Variants in RAPGEF6 observed in about 807,000 individuals in gnomAD.
The protein encoded by RAPGEF6 is Rap guanine nucleotide exchange factor 6.
A neutral mutation model predicts 171.4 loss-of-function variants in RAPGEF6; 56 were observed. That is an observed-to-expected ratio of 0.33 (90% CI 0.26 to 0.41). The LOEUF (loss-of-function observed/expected upper bound fraction) is 0.41, where lower values mean the gene tolerates loss of function less well. RAPGEF6 is among the 10% of genes least tolerant of loss of function. RAPGEF6 has a pLI of 1.00. For synonymous variants in RAPGEF6, 692 were observed against 650.1 expected (o/e 1.06, Z -0.98); for missense variants, 1,674 against 1,921.4 (o/e 0.87, Z 2.41).
intron 22 of RAPGEF6, among the ~76,000 whole-genome samples, chr5:131,445,385 T>C (rs868055715): frequency 6.6e-6 from 1 of 152,308 alleles, no homozygotes; most frequent in South Asian, 2.1e-4. Context: ...AAATACCATA[T>C]CATTTATCAA....
At chr5:131,617,935 T>C (rs1311833263) in intron 1 of RAPGEF6, among the ~76,000 whole-genome samples, 1 of 152,124 alleles carries the variant, frequency 6.6e-6, no homozygotes. Flanking sequence ...TAAACAACAT[T>C]CGGCAAAATG....
At chr5:131,502,953 C>T (rs935492183) in intron 11 of RAPGEF6, among the ~76,000 whole-genome samples, 1 of 152,116 alleles carries the variant, frequency 6.6e-6, no homozygotes, top group Admixed American at 6.5e-5. Context: ...CAGGCGGCCA[C>T]CACCATGCCT....
At chr5:131,495,709 C>T in intron 12 of RAPGEF6, 49 bp from the exon 13 acceptor site, 1 of 1,571,148 alleles carries the variant, frequency 6.4e-7, no homozygotes, top group Non-Finnish European at 8.7e-7. Flanking sequence ...GGCATTCCTT[C>T]TGCACAAGTG....
At chr5:131,578,109 C>T (rs1445811202) in intron 4 of RAPGEF6, among the ~76,000 whole-genome samples, 2 of 152,296 alleles carry the variant, frequency 1.3e-5, no homozygotes, top group African/African-American at 4.8e-5. Flanking sequence ...CAAACCGCCA[C>T]CCTTAACTCT....
intron 8 of RAPGEF6, 107 bp downstream of exon 8, chr5:131,510,207 T>C: frequency 8.3e-7 from 1 of 1,210,816 alleles, no homozygotes; most frequent in Non-Finnish European, 1.1e-6. Context: ...AGATAATGGC[T>C]TAACACAACA....
chr5:131,461,064 T>C (rs539391077), intron 19 of RAPGEF6, among the ~76,000 whole-genome samples: 1 of 152,292 alleles, frequency 6.6e-6, no homozygotes, highest in South Asian at 2.1e-4. Context: ...GAAAATAAAT[T>C]ACCTACAATT....
At chr5:131,433,936 T>C (rs1326606499) in intron 24 of RAPGEF6, among the ~76,000 whole-genome samples, 6 of 152,212 alleles carry the variant, frequency 3.9e-5, no homozygotes, top group African/African-American at 1.4e-4. Flanking sequence ...TTTAAAGGTA[T>C]ATCTTTCTCA....
intron 6 of RAPGEF6, among the ~76,000 whole-genome samples, chr5:131,540,521 A>G (rs925959933): frequency 6.6e-6 from 1 of 152,220 alleles, no homozygotes; most frequent in Non-Finnish European, 1.5e-5. Context: ...ATGATCGCAT[A>G]ACTGCATTTC....
intron 4 of RAPGEF6, among the ~76,000 whole-genome samples, chr5:131,566,206 TATA>T (rs575971080): frequency 7.8e-4 from 118 of 151,640 alleles, no homozygotes; most frequent in South Asian, 7.1e-3. Context: ...AAAACTAAAA[TATA>T]ATAATAAAAT....
At chr5:131,463,950 T>C in intron 18 of RAPGEF6, 91 bp downstream of exon 18, 6 of 1,489,700 alleles carry the variant, frequency 4.0e-6, no homozygotes, top group Non-Finnish European at 5.4e-6. Context: ...CACTAAAACA[T>C]GATAATGTTT....
chr5:131,443,527 G>C (rs1752510838), intron 22 of RAPGEF6, among the ~76,000 whole-genome samples: 1 of 152,170 alleles, frequency 6.6e-6, no homozygotes, highest in South Asian at 2.1e-4. Flanking sequence ...ATAGAAGAGT[G>C]ACTCTGCCAA....
intron 9 of RAPGEF6, among the ~76,000 whole-genome samples, chr5:131,506,033 T>C (rs1001794570): frequency 6.6e-6 from 1 of 152,182 alleles, no homozygotes; most frequent in Non-Finnish European, 1.5e-5. Context: ...GAAAGACTAG[T>C]TAAAAGCCTG....
At chr5:131,634,348 A>C (rs903620139) in intron 1 of RAPGEF6, among the ~76,000 whole-genome samples, 2 of 152,194 alleles carry the variant, frequency 1.3e-5, no homozygotes, top group African/African-American at 4.8e-5. Context: ...AAAATCTTTT[A>C]AGCTGATGCC....
chr5:131,595,071 T>A (rs1042326274), intron 3 of RAPGEF6, among the ~76,000 whole-genome samples: 1 of 151,988 alleles, frequency 6.6e-6, no homozygotes, highest in Non-Finnish European at 1.5e-5. Flanking sequence ...GGACATGAGA[T>A]TTGGGAGGGG....
At chr5:131,554,113 G>A (rs1761085579) in intron 5 of RAPGEF6, among the ~76,000 whole-genome samples, 1 of 152,092 alleles carries the variant, frequency 6.6e-6, no homozygotes, top group African/African-American at 2.4e-5. Flanking sequence ...ATTAATGTCT[G>A]ACTCCTCAAA....
At chr5:131,541,684 T>C (rs542068691) in intron 6 of RAPGEF6, among the ~76,000 whole-genome samples, 10 of 152,180 alleles carry the variant, frequency 6.6e-5, no homozygotes, top group Non-Finnish European at 1.5e-5. Context: ...CACATAGCAT[T>C]GGGGAAAAGA....
chr5:131,591,352 C>T (rs888309933), intron 4 of RAPGEF6, among the ~76,000 whole-genome samples: 2 of 152,158 alleles, frequency 1.3e-5, no homozygotes, highest in Admixed American at 1.3e-4. Context: ...TTCTACCACC[C>T]TTCTCTTTTA....
At chr5:131,546,119 A>G (rs1561551386) in intron 6 of RAPGEF6, among the ~76,000 whole-genome samples, 1 of 152,180 alleles carries the variant, frequency 6.6e-6, no homozygotes, top group Non-Finnish European at 1.5e-5. Context: ...CAGGACACCA[A>G]AAAAATCTGG....
chr5:131,631,746 T>C lies in RAPGEF6; in HGVS notation c.69+3216A>G, dbSNP rs550545229. Among the ~76,000 whole-genome samples the C allele has an allele frequency of 4.5e-4, 68 of 152,174 alleles. 1 individual carries two copies. The South Asian group carries it at 0.014, about 32-fold the overall frequency. On this transcript the variant is annotated intron_variant, in intron 1 of 27. Transcript: ENST00000509018. ...AGAATCTGTTGAGCCCAGAAATTAG[T>C]GACCAGACTGGGCAATATAGTGAGA...
Sources: gnomAD v4.1 joint callset for allele counts (sites outside exome capture counted in the v4.1 genomes callset) on GRCh38, gnomAD v4.1.1 for gene constraint, MANE v1.5 for transcripts, NCBI Gene and HGNC (gene_info 2026-07-23, HGNC 2026-07-21) for gene names.